Variants in GLI2 observed in about 807,000 individuals in gnomAD.
GLI2 encodes the protein GLI family zinc finger 2.
A neutral mutation model predicts 78.9 loss-of-function variants in GLI2; 22 were observed. That is an observed-to-expected ratio of 0.28 (90% confidence interval 0.20 to 0.40). The LOEUF is 0.40. Ranked by LOEUF, GLI2 falls within the 10% of genes least tolerant of loss-of-function variation. The probability of loss-of-function intolerance (pLI) is 1.00; values close to 1 mark genes in which losing one functional copy is unlikely to be tolerated. For missense variants in GLI2, 2,097 were observed against 2,213.2 expected (o/e 0.95, Z 1.05); for synonymous variants, 974 against 963.7 (o/e 1.01, Z -0.20).
intron 2 of GLI2, among the ~76,000 whole-genome samples, chr2:120,865,503 C>T (rs990796970): frequency 1.8e-4 from 28 of 152,204 alleles, no homozygotes; most frequent in African/African-American, 6.5e-4. Flanking sequence ...TGGTTCCCTT[C>T]CCTTGTTTTC....
At chr2:120,937,085 C>T (rs1362449173) in intron 3 of GLI2, among the ~76,000 whole-genome samples, 1 of 152,176 alleles carries the variant, frequency 6.6e-6, no homozygotes, top group East Asian at 1.9e-4. Context: ...TACACTTGGC[C>T]TGTGCTGCCC....
intron 2 of GLI2, among the ~76,000 whole-genome samples, chr2:120,869,100 A>G (rs954272242): frequency 2.0e-4 from 29 of 147,180 alleles, no homozygotes; most frequent in African/African-American, 7.2e-4. Flanking sequence ...TTTTGTACCA[A>G]TGCTTTTTTG....
In GLI2 at chr2:120,972,317, C is replaced by A. The variant is rs1274473220; in HGVS notation, c.1182+254C>A. 3.3e-5 allele frequency among the ~76,000 whole-genome samples: 5 copies of A among 152,252 alleles called. No homozygotes were observed. In the East Asian group the frequency reaches 9.6e-4, roughly 29 times the overall value. The stretch of plus-strand genomic sequence containing the variant: ...AGTGAATGAATGAACTTCTGCCTAG[C>A]CATCCCTCTTGTCTCAGGCTGCATC... On this transcript the variant is annotated intron_variant, in intron 8 of 13. Coordinates refer to ENST00000361492, the MANE Select transcript of GLI2 (RefSeq NM_001374353.1).
At chr2:120,824,789 G>C (rs371233174) in intron 2 of GLI2, among the ~76,000 whole-genome samples, 1 of 152,230 alleles carries the variant, frequency 6.6e-6, no homozygotes, top group African/African-American at 2.4e-5. Context: ...TCCCTTGTCA[G>C]TGACACACCT....
chr2:120,935,710 C>T (rs1680165358), intron 3 of GLI2, among the ~76,000 whole-genome samples: 1 of 152,186 alleles, frequency 6.6e-6, no homozygotes, highest in Non-Finnish European at 1.5e-5. Context: ...GGCATTTTGA[C>T]CCCCCACCCC....
At chr2:120,971,552 C>A (rs1456146774) in intron 7 of GLI2, among the ~76,000 whole-genome samples, 3 of 152,230 alleles carry the variant, frequency 2.0e-5, no homozygotes, top group African/African-American at 4.8e-5. Context: ...AGGAACTGGG[C>A]TCTGGCCCCC....
intron 1 of GLI2, among the ~76,000 whole-genome samples, chr2:120,777,016 G>A (rs763886427): frequency 2.7e-4 from 41 of 152,234 alleles, no homozygotes; most frequent in African/African-American, 7.2e-4. Flanking sequence ...CACCTGACAC[G>A]GGGCAGGGGG....
intron 2 of GLI2, among the ~76,000 whole-genome samples, chr2:120,853,407 C>G (rs1019310878): frequency 7.2e-5 from 11 of 152,160 alleles, no homozygotes; most frequent in Admixed American, 5.9e-4. Flanking sequence ...TGACATGGTT[C>G]CACCATTGGT....
chr2:120,758,477 C>T (rs1235653338), intron 1 of GLI2, among the ~76,000 whole-genome samples: 3 of 152,292 alleles, frequency 2.0e-5, no homozygotes, highest in East Asian at 1.9e-4. Context: ...GCTGCAGGAC[C>T]GAGGACCCTC....
At chr2:120,920,181 A>T (rs1057382502) in intron 2 of GLI2, among the ~76,000 whole-genome samples, 9 of 152,214 alleles carry the variant, frequency 5.9e-5, no homozygotes, top group African/African-American at 2.2e-4. Context: ...GGCATCCCCA[A>T]CACAGCCACT....
intron 2 of GLI2, among the ~76,000 whole-genome samples, chr2:120,859,906 G>A (rs181392027): frequency 6.6e-6 from 1 of 152,304 alleles, no homozygotes; most frequent in African/African-American, 2.4e-5. Flanking sequence ...GCCCACCTCA[G>A]CCTCCCAAAG....
chr2:120,829,705 C>T (rs1425075380), intron 2 of GLI2, among the ~76,000 whole-genome samples: 8 of 152,314 alleles, frequency 5.3e-5, no homozygotes, highest in South Asian at 4.1e-4. Context: ...GCTGTGGGCC[C>T]GGGCCTGGGA....
chr2:120,950,124 G>A lies in GLI2; in HGVS notation c.255-1119G>A, dbSNP rs574034771. Among the ~76,000 whole-genome samples, 131 of 152,220 alleles carry A rather than the reference G, an allele frequency of 8.6e-4. 4 individuals carry two copies. The South Asian group carries it at 0.025, about 29-fold the overall frequency. ...CAGTTTTGGGGACTTTCATCCTCAC[G>A]ACAACCCTATGAAACAGACACTATT... On this transcript the variant is annotated intron_variant, in intron 3 of 13. Transcript: ENST00000361492.
intron 3 of GLI2, among the ~76,000 whole-genome samples, chr2:120,928,254 C>A (rs1679787076): frequency 6.6e-6 from 1 of 152,152 alleles, no homozygotes; most frequent in Admixed American, 6.5e-5. Context: ...ACCCTCCAGC[C>A]CCCTCACCTG....
intron 2 of GLI2, among the ~76,000 whole-genome samples, chr2:120,894,358 C>T (rs1319288113): frequency 6.6e-6 from 1 of 152,248 alleles, no homozygotes. Context: ...TGATAGCTGC[C>T]TGGGACCGGC....
intron 2 of GLI2, among the ~76,000 whole-genome samples, chr2:120,854,042 T>C (rs924854188): frequency 1.1e-5 from 1 of 93,996 alleles, no homozygotes; most frequent in African/African-American, 5.4e-5. Flanking sequence ...CTATTGTGTA[T>C]CGGGGCTATA....
intron 2 of GLI2, among the ~76,000 whole-genome samples, chr2:120,892,954 C>G (rs999527991): frequency 2.4e-4 from 36 of 152,350 alleles, no homozygotes; most frequent in African/African-American, 8.7e-4. Context: ...TGCCACTTTT[C>G]TGATAGATGC....
chr2:120,945,686 C>G (rs1345846563), intron 3 of GLI2, among the ~76,000 whole-genome samples: 2 of 152,194 alleles, frequency 1.3e-5, no homozygotes, highest in Admixed American at 1.3e-4. Context: ...CTTGGGCTCT[C>G]CCCTGCATGG....
chr2:120,894,607 C>T (rs1677847467), intron 2 of GLI2, among the ~76,000 whole-genome samples: 1 of 149,758 alleles, frequency 6.7e-6, no homozygotes, highest in South Asian at 2.1e-4. Flanking sequence ...TGCATTAACC[C>T]TTGGGGGGGG....
Sources: gnomAD v4.1 joint callset for allele counts (sites outside exome capture counted in the v4.1 genomes callset) on GRCh38, gnomAD v4.1.1 for gene constraint, MANE v1.5 for transcripts, NCBI Gene and HGNC (gene_info 2026-07-23, HGNC 2026-07-21) for gene names.